The following CELF2 variants were observed in gnomAD, a reference collection of about 807,000 sequenced individuals.
CELF2 encodes CUG triplet repeat RNA-binding protein 2.
In CELF2, 8 loss-of-function variants were observed where a neutral mutation model predicts 62.6. The observed-to-expected ratio is 0.13, with a 90% CI of 0.07 to 0.23. CELF2 has a LOEUF of 0.23. Among genes scored for constraint, CELF2 ranks in the 10% least tolerant of loss-of-function variants. The pLI, the probability that CELF2 is intolerant of heterozygous loss-of-function variation, is 1.00. For missense variants in CELF2, 333 were observed against 671.0 expected (o/e 0.50, Z 5.56); for synonymous variants, 258 against 250.0 (o/e 1.03, Z -0.30).
chr10:11,226,442 T>C (rs2066563758), intron 3 of CELF2, among the ~76,000 whole-genome samples: 1 of 152,200 alleles, frequency 6.6e-6, no homozygotes, highest in Admixed American at 6.5e-5. Context: ...TTTGGCACTG[T>C]CACAAGGTAA....
chr10:10,527,523 A>G, the CELF2 span, among the ~76,000 whole-genome samples: 1 of 152,156 alleles, frequency 6.6e-6, no homozygotes, highest in Admixed American at 6.5e-5. Flanking sequence ...CCATTTAAAG[A>G]TAACATACAC....
At chr10:11,326,330 A>T (rs750521628) in intron 12 of CELF2, among the ~76,000 whole-genome samples, 1 of 152,246 alleles carries the variant, frequency 6.6e-6, no homozygotes, top group African/African-American at 2.4e-5. Context: ...ATACACGCAC[A>T]CAAAGACACT....
At chr10:10,858,056 G>A (rs923699532) in intron 1 of CELF2, among the ~76,000 whole-genome samples, 6 of 152,140 alleles carry the variant, frequency 3.9e-5, no homozygotes, top group South Asian at 2.1e-4. Context: ...AAAAAGAAAT[G>A]AACACAGCTC....
chr10:11,021,162 C>T (rs559423328), intron 1 of CELF2, among the ~76,000 whole-genome samples: 20 of 152,004 alleles, frequency 1.3e-4, no homozygotes, highest in Admixed American at 1.0e-3. Context: ...TTAAACAAAG[C>T]TAATAAATAA....
rs2056459221 is a variant in CELF2 at position 11,011,490 on chromosome 10, A to G, written c.53+6050A>G. Among the ~76,000 whole-genome samples the G allele has an allele frequency of 1.3e-5, 2 of 151,596 alleles. No individual in the cohort carries two copies. On this transcript the variant is annotated intron_variant, in intron 1 of 12. Coordinates refer to the CELF2 transcript ENST00000416382. The surrounding 1 kb of genome is among the most constrained non-coding windows in gnomAD (Gnocchi z 4.6). ...AAAAAAAAAAAAAACGCAAAATACA[A>G]TCCTTAGCTTCATCTCCTTTCTTCC...
intron 2 of CELF2, among the ~76,000 whole-genome samples, chr10:11,202,751 G>A (rs1428734888): frequency 6.6e-6 from 1 of 152,058 alleles, no homozygotes; most frequent in Non-Finnish European, 1.5e-5. Flanking sequence ...CCTTAGTGGT[G>A]GGAGAATATT....
the CELF2 span, among the ~76,000 whole-genome samples, chr10:10,479,600 C>T: frequency 3.1e-4 from 47 of 152,244 alleles, no homozygotes; most frequent in Admixed American, 2.6e-3. Context: ...AGGCAAAGAG[C>T]TCTGTTTTTT....
At chr10:10,730,581 C>T in the CELF2 span, among the ~76,000 whole-genome samples, 2 of 152,342 alleles carry the variant, frequency 1.3e-5, no homozygotes, top group South Asian at 4.1e-4. Flanking sequence ...CATGTGGGAA[C>T]ATTGCACAGA....
the CELF2 span, among the ~76,000 whole-genome samples, chr10:10,783,897 A>G: frequency 1.3e-5 from 2 of 152,150 alleles, no homozygotes; most frequent in Non-Finnish European, 1.5e-5. Context: ...CTGAGGCAGG[A>G]GAATTGCTTA....
At chr10:11,291,653 C>A (rs1053199544) in intron 9 of CELF2, among the ~76,000 whole-genome samples, 2 of 152,100 alleles carry the variant, frequency 1.3e-5, no homozygotes, top group Non-Finnish European at 2.9e-5. Flanking sequence ...TTGATATGAT[C>A]ATTTTACCTG....
rs1027946312 is a variant in CELF2, at chr10:10,995,148, G to A, written c.89+75149G>A. Among the ~76,000 whole-genome samples the A allele has an allele frequency of 5.9e-5, 9 of 152,368 alleles. No individual in the cohort carries two copies. In the South Asian group the frequency reaches 1.9e-3, roughly 32 times the overall value. Reference sequence around the variant, plus strand: ...GGTTATAAGTTCCTTAAGGGCAGGAGCTATGCCCCGTGCCTCTTTTGAATC... The same window carrying A: ...GGTTATAAGTTCCTTAAGGGCAGGAACTATGCCCCGTGCCTCTTTTGAATC... On this transcript the variant is annotated intron_variant, in intron 2 of 13. Transcript: ENST00000636488. The surrounding 1 kb of genome is among the most constrained non-coding windows in gnomAD (Gnocchi z 4.7).
At chr10:11,155,814 C>G (rs1351220951) in intron 1 of CELF2, among the ~76,000 whole-genome samples, 1 of 152,180 alleles carries the variant, frequency 6.6e-6, no homozygotes, top group Non-Finnish European at 1.5e-5. Context: ...GCGTTCACAT[C>G]CAACCTCACA....
rs1231352721 is a variant in CELF2 at position 11,148,840 on chromosome 10, CCAAACACACACA to C, written c.75-16643_75-16632del. The stretch of plus-strand genomic sequence containing the variant: ...TGTTGTTATCGATTATTATCTTAAA[CCAAACACACACA>C]CACACACACACACACACACACAAAG... On this transcript the variant is annotated intron_variant, in intron 1 of 12. Coordinates refer to ENST00000633077, the MANE Select transcript of CELF2 (RefSeq NM_001326342.2). Among the ~76,000 whole-genome samples, 7 of 120,546 alleles carry C rather than the reference CCAAACACACACA, an allele frequency of 5.8e-5. No homozygotes were observed. In the East Asian group the frequency reaches 1.8e-3, roughly 31 times the overall value. 79.1% of individuals were successfully genotyped at this position (120,546 alleles called of 152,430 possible). A position where few individuals can be genotyped will look rare whatever the true frequency, so the allele number is the denominator to read the frequency against.
Position 10,867,043 on chromosome 10 carries a change from T to G in CELF2, c.54-52921T>G, listed in dbSNP as rs114142421. Among the ~76,000 whole-genome samples, 1,187 of 152,258 alleles carry G rather than the reference T, an allele frequency of 7.8e-3. 15 individuals carry two copies. Among genetic ancestry groups the G allele is most frequent in the African/African-American group, 0.027 (1,127 of 41,544 alleles). ...ATAAGAAATGGACAAAATTAAATTA[T>G]CTTACTGATTATAAATAGAATATAG... On this transcript the variant is annotated intron_variant, in intron 1 of 13. Transcript: ENST00000636488.
At chr10:10,655,277 G>A in the CELF2 span, among the ~76,000 whole-genome samples, 5 of 139,270 alleles carry the variant, frequency 3.6e-5, no homozygotes, top group African/African-American at 7.9e-5. Context: ...AATCAATATC[G>A]TGAAAATGGC....
At chr10:10,463,188 AC>A in the CELF2 span, among the ~76,000 whole-genome samples, 2 of 152,202 alleles carry the variant, frequency 1.3e-5, no homozygotes, top group African/African-American at 4.8e-5. Flanking sequence ...TCATTTGCAG[AC>A]CTTGTATTTG....
intron 1 of CELF2, among the ~76,000 whole-genome samples, chr10:10,892,861 C>T (rs905280103): frequency 1.3e-5 from 2 of 152,198 alleles, no homozygotes; most frequent in African/African-American, 4.8e-5. Context: ...TTGTGTAAAG[C>T]TAACACAGGA....
the CELF2 span, among the ~76,000 whole-genome samples, chr10:10,711,730 A>G: frequency 6.6e-6 from 1 of 151,926 alleles, no homozygotes; most frequent in Non-Finnish European, 1.5e-5. Flanking sequence ...AAAAATACAA[A>G]AATTAGTCAG....
chr10:10,864,728 T>C (rs1329833549), intron 1 of CELF2, among the ~76,000 whole-genome samples: 1 of 152,124 alleles, frequency 6.6e-6, no homozygotes, highest in Non-Finnish European at 1.5e-5. Context: ...CAAATATAAT[T>C]GTCTTAGGTG....
Sources: gnomAD v4.1 joint callset for allele counts (sites outside exome capture counted in the v4.1 genomes callset) on GRCh38, gnomAD v4.1.1 for gene constraint, Gnocchi (gnomAD v3.1) non-coding constraint, MANE v1.5 for transcripts, NCBI Gene and HGNC (gene_info 2026-07-23, HGNC 2026-07-21) for gene names.